EPHB2: variants seen among roughly 807,000 people sequenced by gnomAD.
EPHB2 encodes ephrin type-B receptor 2.
EPHB2 carries 18 observed loss-of-function variants against 96.4 expected under a neutral mutation model. The observed-to-expected ratio is 0.19, with a 90% CI of 0.13 to 0.28. EPHB2 has a LOEUF of 0.28. EPHB2 is among the 10% of genes least tolerant of loss of function. The pLI is 1.00. For missense variants in EPHB2, 989 were observed against 1,355.4 expected (o/e 0.73, Z 4.25); for synonymous variants, 506 against 534.1 (o/e 0.95, Z 0.72).
At chr1:22,894,417 G>A (rs750161984) in intron 7 of EPHB2, among the ~76,000 whole-genome samples, 6 of 152,202 alleles carry the variant, frequency 3.9e-5, no homozygotes, top group East Asian at 1.9e-4. Context: ...GGCCAACATG[G>A]TGAAACCTCA....
Position 22,847,776 on chromosome 1 carries a change from C to T in EPHB2, c.812-15261C>T, listed in dbSNP as rs562145595. ...TAATCCCAGATCAACTGTCTCACCT[C>T]GTGTCTGAACCCTTCCCCCCATACA... On this transcript the variant is annotated intron_variant, in intron 3 of 15. Transcript: ENST00000374630. 5.7e-4 allele frequency among the ~76,000 whole-genome samples: 20 copies of T among 34,804 alleles called. 1 individual carries two copies. In the East Asian group the frequency reaches 0.012, roughly 20 times the overall value. The allele number at this position is 34,804 out of a possible 152,430, so 22.8% of individuals were successfully genotyped here.
chr1:22,806,492 C>CGGAT (rs1644927526), intron 3 of EPHB2, among the ~76,000 whole-genome samples: 1 of 91,920 alleles, frequency 1.1e-5, no homozygotes, highest in African/African-American at 4.6e-5. Context: ...GACGGACGGA[C>CGGAT]GGACGGACGG....
At chr1:22,894,830 T>C (rs1331711638) in intron 7 of EPHB2, among the ~76,000 whole-genome samples, 1 of 152,104 alleles carries the variant, frequency 6.6e-6, no homozygotes, top group African/African-American at 2.4e-5. Context: ...TCTTCATCTG[T>C]AAAATGGGGT....
At chr1:22,848,528 G>A (rs1392935848) in intron 3 of EPHB2, among the ~76,000 whole-genome samples, 3 of 152,194 alleles carry the variant, frequency 2.0e-5, no homozygotes, top group Admixed American at 2.0e-4. Flanking sequence ...CTTTTGGCTT[G>A]TGGTCAACTC....
chr1:22,816,243 G>A (rs1339265602), intron 3 of EPHB2, among the ~76,000 whole-genome samples: 1 of 152,070 alleles, frequency 6.6e-6, no homozygotes, highest in Admixed American at 6.5e-5. Context: ...AGCCCTGCCG[G>A]CCCTCCTAAA....
intron 1 of EPHB2, among the ~76,000 whole-genome samples, chr1:22,718,778 A>G (rs1643360644): frequency 1.3e-5 from 2 of 152,094 alleles, no homozygotes; most frequent in Admixed American, 1.3e-4. Flanking sequence ...TCGTTGTATT[A>G]TTGTGCCCAT....
At chr1:22,854,445 G>A (rs1401466375) in intron 3 of EPHB2, among the ~76,000 whole-genome samples, 4 of 152,160 alleles carry the variant, frequency 2.6e-5, no homozygotes, top group South Asian at 2.1e-4. Context: ...CCAGGAAGTC[G>A]AGGCTGCAGT....
At chr1:22,792,385 G>C (rs543173150) in intron 3 of EPHB2, among the ~76,000 whole-genome samples, 9 of 152,278 alleles carry the variant, frequency 5.9e-5, no homozygotes, top group Non-Finnish European at 1.2e-4. Context: ...GGGAGAAGGA[G>C]GGGGGACAGA....
rs1195281689 is a variant in EPHB2, at chr1:22,914,020, C to T, written c.*450C>T. On this transcript the variant is annotated 3_prime_UTR_variant, in exon 16 of 16. Transcript: ENST00000374630. The stretch of plus-strand genomic sequence containing the variant: ...GGAGAGACAGGGGCCGCCCTTGGCT[C>T]CTGTCCCTGCTGCTCCTCTAGGCCT... 17 of 1,050,276 alleles carry T rather than the reference C, an allele frequency of 1.6e-5. No homozygotes were observed. In the East Asian group the frequency reaches 3.9e-4, roughly 24 times the overall value. The allele number at this position is 1,050,276 out of a possible 1,614,324, so 65.1% of individuals were successfully genotyped here. A position where few individuals can be genotyped will look rare whatever the true frequency, so the allele number is the denominator to read the frequency against.
At chr1:22,717,838 T>A (rs1643332427) in intron 1 of EPHB2, among the ~76,000 whole-genome samples, 1 of 152,124 alleles carries the variant, frequency 6.6e-6, no homozygotes, top group Non-Finnish European at 1.5e-5. Flanking sequence ...TTACAGGAAA[T>A]GTGTGTGGAG....
At chr1:22,898,237 A>C (rs1198486196) in intron 9 of EPHB2, among the ~76,000 whole-genome samples, 1 of 152,192 alleles carries the variant, frequency 6.6e-6, no homozygotes, top group Non-Finnish European at 1.5e-5. Context: ...GGAAAAAGAC[A>C]AAGTGGAACA....
At chr1:22,786,697 AC>A (rs1289918013) in intron 3 of EPHB2, among the ~76,000 whole-genome samples, 1 of 152,156 alleles carries the variant, frequency 6.6e-6, no homozygotes, top group African/African-American at 2.4e-5. Context: ...TGGGGCATCC[AC>A]CTGTGCTGGG....
chr1:22,826,056 C>G (rs935218396), intron 3 of EPHB2, among the ~76,000 whole-genome samples: 1 of 152,080 alleles, frequency 6.6e-6, no homozygotes, highest in African/African-American at 2.4e-5. Flanking sequence ...AAGCTGTAAC[C>G]CTGAGGGCAC....
At chr1:22,892,510 T>C (rs1639420961) in intron 6 of EPHB2, among the ~76,000 whole-genome samples, 1 of 152,162 alleles carries the variant, frequency 6.6e-6, no homozygotes, top group Admixed American at 6.5e-5. Flanking sequence ...CTGTTTCTCA[T>C]GCTGGAGCCA....
chr1:22,860,943 C>T lies in EPHB2; in HGVS notation c.812-2094C>T, dbSNP rs1047111800. On this transcript the variant is annotated intron_variant, in intron 3 of 15. Coordinates refer to ENST00000374630, the MANE Select transcript of EPHB2 (RefSeq NM_017449.5). The surrounding 1 kb of genome is among the most constrained non-coding windows in gnomAD (Gnocchi z 4.6). ...GAGGAAGGCGAGAGGGAGGGCAGGA[C>T]GACTCAGGGGACCCAGACCCAGTGC... Among the ~76,000 whole-genome samples the T allele has an allele frequency of 1.6e-4, 24 of 152,052 alleles. No individual in the cohort carries two copies. Among genetic ancestry groups the T allele is most frequent in the African/African-American group, 5.1e-4 (21 of 41,380 alleles).
Position 22,892,980 on chromosome 1 carries a change from C to A in EPHB2, c.1525C>A (p.Arg509=). ...CGGCGCCATCTATGTCTTCCAGGTG[C>A]GGGCACGCACCGTGGCAGGTTACGG... ...KAGAIYVFQV[R]ARTVAGYGRY... The change falls in exon 7 of 16, where the codon CGG becomes AGG. Residue 509 remains arginine, a synonymous_variant. Coordinates refer to ENST00000374630, the MANE Select transcript of EPHB2 (RefSeq NM_017449.5). The A allele has an allele frequency of 6.2e-7, 1 of 1,614,208 alleles. No homozygotes were observed. The highest frequency in any genetic ancestry group is 1.1e-5 in the South Asian group (1 of 91,092).
At chr1:22,901,816 T>A (rs929546160) in intron 9 of EPHB2, among the ~76,000 whole-genome samples, 1 of 126,920 alleles carries the variant, frequency 7.9e-6, no homozygotes, top group Non-Finnish European at 1.6e-5. Context: ...TGTGTGTGTG[T>A]GTGAGTGTGT....
chr1:22,815,262 G>C (rs1645058175), intron 3 of EPHB2, among the ~76,000 whole-genome samples: 2 of 152,292 alleles, frequency 1.3e-5, no homozygotes, highest in Middle Eastern at 3.4e-3. Context: ...ATGGAAGGTG[G>C]GGGGTGGTTG....
intron 3 of EPHB2, chr1:22,835,795 G>C (rs914602691): frequency 5.3e-5 from 8 of 152,232 alleles, no homozygotes; most frequent in Non-Finnish European, 1.2e-4. Context: ...TCAGAGGAAA[G>C]CCAGGCTAAT....
Sources: allele counts gnomAD v4.1 joint callset (sites outside exome capture counted in the v4.1 genomes callset), GRCh38; gene constraint gnomAD v4.1.1; non-coding constraint Gnocchi (gnomAD v3.1); transcripts MANE v1.5; gene names NCBI Gene and HGNC (gene_info 2026-07-23, HGNC 2026-07-21).